SMYD3: variants seen among roughly 807,000 people sequenced by gnomAD.
SMYD3 encodes histone-lysine N-methyltransferase SMYD3.
A neutral mutation model predicts 57.7 loss-of-function variants in SMYD3; 36 were observed. The observed-to-expected ratio is 0.62, with a 90% confidence interval of 0.48 to 0.82. SMYD3 has a LOEUF of 0.82. Ranked by LOEUF, SMYD3 falls within the 40% of genes least tolerant of loss-of-function variation. SMYD3 has a pLI of 0.00. For missense variants in SMYD3, 515 were observed against 538.8 expected (o/e 0.96, Z 0.44); for synonymous variants, 211 against 195.0 (o/e 1.08, Z -0.68).
chr1:246,297,708 T>G (rs2064821298), intron 5 of SMYD3, among the ~76,000 whole-genome samples: 1 of 152,172 alleles, frequency 6.6e-6, no homozygotes, highest in Non-Finnish European at 1.5e-5. Context: ...TTCTGATGTA[T>G]AAATACCAGA....
At chr1:246,406,078 GT>G (rs1438320035) in intron 1 of SMYD3, among the ~76,000 whole-genome samples, 1 of 151,652 alleles carries the variant, frequency 6.6e-6, no homozygotes, top group African/African-American at 2.4e-5. Flanking sequence ...TCATTCTCCT[GT>G]AGGTTAAAAT....
intron 11 of SMYD3, among the ~76,000 whole-genome samples, chr1:245,751,522 GAGAGAGAGAA>G (rs1553312426): frequency 0.019 from 2,861 of 146,944 alleles, 50 homozygotes; most frequent in Non-Finnish European, 0.031. Flanking sequence ...TTGCTGCTGA[GAGAGAGAGAA>G]AGAGAGAGAA....
At chr1:245,796,065 C>G (rs929592301) in intron 10 of SMYD3, among the ~76,000 whole-genome samples, 2 of 152,126 alleles carry the variant, frequency 1.3e-5, no homozygotes, top group African/African-American at 4.8e-5. Context: ...TAAGATGTAC[C>G]TACACCACTA....
chr1:245,928,985 T>G lies in SMYD3; in HGVS notation c.599+885A>C, dbSNP rs551964040. ...TAATAATTAGAATGAGCACTTACTATGTAGAAACACTTTCTTGCACTTGAG... is the reference window on the plus strand; with the variant it reads ...TAATAATTAGAATGAGCACTTACTAGGTAGAAACACTTTCTTGCACTTGAG... On this transcript the variant is annotated intron_variant, in intron 6 of 11. Coordinates refer to ENST00000490107, the MANE Select transcript of SMYD3 (RefSeq NM_001167740.2). Among the ~76,000 whole-genome samples, 117 of 152,336 alleles carry G rather than the reference T, an allele frequency of 7.7e-4. 1 individual carries two copies. Among genetic ancestry groups the G allele is most frequent in the African/African-American group, 2.6e-3 (107 of 41,576 alleles).
intron 5 of SMYD3, among the ~76,000 whole-genome samples, chr1:246,238,667 C>T (rs1051368395): frequency 6.6e-6 from 1 of 152,056 alleles, no homozygotes; most frequent in African/African-American, 2.4e-5. Context: ...CTTTACTTTA[C>T]CTGCAATTCT....
intron 5 of SMYD3, among the ~76,000 whole-genome samples, chr1:246,193,905 C>T (rs1356291807): frequency 1.3e-5 from 2 of 152,172 alleles, no homozygotes; most frequent in Admixed American, 6.5e-5. Flanking sequence ...TTTATTCAAA[C>T]GTACACCAAA....
At chr1:245,869,056 A>C (rs1418267648) in intron 8 of SMYD3, among the ~76,000 whole-genome samples, 1 of 152,134 alleles carries the variant, frequency 6.6e-6, no homozygotes, top group East Asian at 1.9e-4. Context: ...ATATCCAAAC[A>C]CAAAGACACT....
intron 1 of SMYD3, among the ~76,000 whole-genome samples, chr1:246,382,678 C>T (rs1200285265): frequency 1.3e-5 from 2 of 152,008 alleles, no homozygotes; most frequent in African/African-American, 4.8e-5. Flanking sequence ...CAGATCCAGG[C>T]TCTAGGATTG....
chr1:245,836,384 C>T (rs1166364770), intron 10 of SMYD3, among the ~76,000 whole-genome samples: 1 of 152,218 alleles, frequency 6.6e-6, no homozygotes, highest in Non-Finnish European at 1.5e-5. Flanking sequence ...CTGAACTGAC[C>T]ATGCACTCAC....
chr1:246,158,224 T>C (rs925620823), intron 5 of SMYD3, among the ~76,000 whole-genome samples: 9 of 152,228 alleles, frequency 5.9e-5, no homozygotes, highest in Non-Finnish European at 1.0e-4. Flanking sequence ...TTCTCCATCA[T>C]TGGTGCAAAA....
intron 10 of SMYD3, among the ~76,000 whole-genome samples, chr1:245,818,902 G>C (rs1314905052): frequency 6.7e-4 from 86 of 127,550 alleles, no homozygotes; most frequent in African/African-American, 2.1e-3. Flanking sequence ...AGCAAGTCCT[G>C]AGTGACCTGC....
At chr1:245,984,781 A>G (rs1000021176) in intron 5 of SMYD3, among the ~76,000 whole-genome samples, 1 of 152,164 alleles carries the variant, frequency 6.6e-6, no homozygotes, top group Non-Finnish European at 1.5e-5. Context: ...AACATGTTCA[A>G]ATTTGTCATC....
intron 2 of SMYD3, among the ~76,000 whole-genome samples, chr1:246,346,580 G>C (rs2065722649): frequency 6.6e-6 from 1 of 152,118 alleles, no homozygotes; most frequent in Admixed American, 6.5e-5. Context: ...TATGGCAGCA[G>C]GATGGAGAAG....
At chr1:245,919,693 T>C (rs1183328386) in intron 7 of SMYD3, among the ~76,000 whole-genome samples, 6 of 152,230 alleles carry the variant, frequency 3.9e-5, no homozygotes, top group African/African-American at 1.2e-4. Flanking sequence ...TAAAGACTCA[T>C]TGACTCACTA....
chr1:245,880,009 C>T (rs1225668893), intron 8 of SMYD3, among the ~76,000 whole-genome samples: 2 of 151,506 alleles, frequency 1.3e-5, no homozygotes, highest in African/African-American at 4.9e-5. Flanking sequence ...AGCACAGGTG[C>T]GTTGCTGTAC....
chr1:246,406,421 A>G (rs1171659499), intron 1 of SMYD3, among the ~76,000 whole-genome samples: 2 of 152,226 alleles, frequency 1.3e-5, no homozygotes, highest in African/African-American at 4.8e-5. Flanking sequence ...CCATTAAAAA[A>G]TATCGGAGCT....
At chr1:245,911,510 TAC>T (rs998285433) in intron 8 of SMYD3, among the ~76,000 whole-genome samples, 1 of 150,552 alleles carries the variant, frequency 6.6e-6, no homozygotes, top group East Asian at 2.0e-4. Flanking sequence ...TATATATATA[TAC>T]ACACACATAT....
At chr1:246,409,131 G>C (rs1330218719) in intron 1 of SMYD3, among the ~76,000 whole-genome samples, 4 of 152,142 alleles carry the variant, frequency 2.6e-5, no homozygotes, top group Non-Finnish European at 4.4e-5. Flanking sequence ...TAGGTTGCCT[G>C]TTCATTCTGA....
rs139569241 is a variant in SMYD3 at position 246,224,933 on chromosome 1, G to C, written c.531+102268C>G. 6.8e-3 allele frequency among the ~76,000 whole-genome samples: 1,031 copies of C among 152,154 alleles called. 19 individuals are homozygous for C. The highest frequency in any genetic ancestry group is 0.023 in the African/African-American group (941 of 41,456). ...AGGGAGCCGAGGAATCAAGAGTTCT[G>C]CTCTGGCTATGTTGAGTTTGAGATG... On this transcript the variant is annotated intron_variant, in intron 5 of 11. Coordinates refer to ENST00000490107, the MANE Select transcript of SMYD3 (RefSeq NM_001167740.2).
Sources: gnomAD v4.1 joint callset for allele counts (sites outside exome capture counted in the v4.1 genomes callset) on GRCh38, gnomAD v4.1.1 for gene constraint, MANE v1.5 for transcripts, NCBI Gene and HGNC (gene_info 2026-07-23, HGNC 2026-07-21) for gene names.